TOP6BL: variants seen among roughly 807,000 people sequenced by gnomAD.
TOP6BL encodes the protein TOP6B like initiator of meiotic double strand breaks, also known as type 2 DNA topoisomerase 6 subunit B-like.
the TOP6BL span, among the ~76,000 whole-genome samples, chr11:66,822,278 T>C: frequency 4.1e-4 from 62 of 152,186 alleles, no homozygotes; most frequent in East Asian, 3.5e-3. Flanking sequence ...TTTTTTTTTT[T>C]CCCAAATAGT....
the TOP6BL span, among the ~76,000 whole-genome samples, chr11:66,785,753 G>C: frequency 2.0e-5 from 3 of 152,280 alleles, no homozygotes; most frequent in East Asian, 5.8e-4. Flanking sequence ...CAACATTCAG[G>C]TAGACAGGCA....
the TOP6BL span, among the ~76,000 whole-genome samples, chr11:66,834,581 C>T: frequency 2.0e-5 from 3 of 152,042 alleles, no homozygotes. Flanking sequence ...CTATTATATG[C>T]TTTATTGAGA....
At chr11:66,838,400 G>A in the TOP6BL span, 1 of 1,613,908 alleles carries the variant, frequency 6.2e-7, no homozygotes, top group Non-Finnish European at 8.5e-7. Context: ...CTCAGCCCAG[G>A]GCACTGAGGA....
chr11:66,762,711 C>T, the TOP6BL span, among the ~76,000 whole-genome samples: 4 of 152,292 alleles, frequency 2.6e-5, no homozygotes, highest in South Asian at 2.1e-4. Context: ...TCTCGTGATC[C>T]GCCTGCCTCG....
the TOP6BL span, among the ~76,000 whole-genome samples, chr11:66,752,639 G>C: frequency 1.4e-4 from 22 of 152,062 alleles, no homozygotes; most frequent in African/African-American, 5.1e-4. Flanking sequence ...TTTTCATAGA[G>C]ATAGGGTTTC....
chr11:66,783,022 C>T, the TOP6BL span, among the ~76,000 whole-genome samples: 3 of 152,140 alleles, frequency 2.0e-5, no homozygotes, highest in Non-Finnish European at 2.9e-5. Flanking sequence ...TTAAGTCTCT[C>T]ATTTTGTAAT....
chr11:66,836,699 G>A, the TOP6BL span, among the ~76,000 whole-genome samples: 2,768 of 54,512 alleles, frequency 0.051, 113 homozygotes, highest in African/African-American at 0.16. Context: ...CAGAAAATAT[G>A]ATTTTTTTTT....
chr11:66,762,503 T>C, the TOP6BL span: 3 of 246,218 alleles, frequency 1.2e-5, no homozygotes, highest in Non-Finnish European at 2.3e-5. Context: ...GGAGTCTCGC[T>C]CTGTCGCCCA....
At chr11:66,789,522 A>G in the TOP6BL span, among the ~76,000 whole-genome samples, 1 of 152,194 alleles carries the variant, frequency 6.6e-6, no homozygotes, top group Non-Finnish European at 1.5e-5. Flanking sequence ...GCTGTGCCTT[A>G]TCTTCTTTAG....
the TOP6BL span, chr11:66,842,729 C>T: frequency 3.9e-6 from 4 of 1,033,666 alleles, no homozygotes; most frequent in Non-Finnish European, 5.6e-6. Flanking sequence ...ATGGGACCTG[C>T]TGACAGGGAT....
the TOP6BL span, among the ~76,000 whole-genome samples, chr11:66,782,268 G>T: frequency 6.6e-6 from 1 of 152,170 alleles, no homozygotes; most frequent in South Asian, 2.1e-4. Flanking sequence ...CCCATTTCTA[G>T]CTAGGCCTGA....
chr11:66,834,250 G>C, the TOP6BL span, among the ~76,000 whole-genome samples: 1 of 152,132 alleles, frequency 6.6e-6, no homozygotes, highest in Admixed American at 6.5e-5. Context: ...AAATAGCAAG[G>C]CTAGAATTTG....
At chr11:66,813,205 T>G in the TOP6BL span, among the ~76,000 whole-genome samples, 1 of 152,190 alleles carries the variant, frequency 6.6e-6, no homozygotes, top group Non-Finnish European at 1.5e-5. Flanking sequence ...ATGATAAACT[T>G]GAGGACAGGT....
chr11:66,838,085 C>A, the TOP6BL span, among the ~76,000 whole-genome samples: 1 of 152,158 alleles, frequency 6.6e-6, no homozygotes, highest in Non-Finnish European at 1.5e-5. Context: ...AGGATACTTG[C>A]AGAGTATGCA....
chr11:66,793,265 A>AT, the TOP6BL span, among the ~76,000 whole-genome samples: 12 of 147,120 alleles, frequency 8.2e-5, no homozygotes, highest in African/African-American at 2.8e-4. Context: ...TTTTTTTTGT[A>AT]TTTTTTCAGT....
At chr11:66,755,090 C>T in the TOP6BL span, among the ~76,000 whole-genome samples, 11 of 151,738 alleles carry the variant, frequency 7.2e-5, no homozygotes, top group East Asian at 1.7e-3. Context: ...TAAATCCTTT[C>T]CTACTAGTCG....
At chr11:66,829,724 C>A in the TOP6BL span, among the ~76,000 whole-genome samples, 1 of 151,406 alleles carries the variant, frequency 6.6e-6, no homozygotes, top group Non-Finnish European at 1.5e-5. Context: ...CCCATCTCTA[C>A]AAAAAAATAG....
At chr11:66,840,685 T>G in the TOP6BL span, among the ~76,000 whole-genome samples, 1 of 152,212 alleles carries the variant, frequency 6.6e-6, no homozygotes, top group Admixed American at 6.5e-5. Flanking sequence ...CCTCTGAAAC[T>G]TCTCTCCTCA....
chr11:66,802,240 C>T, the TOP6BL span, among the ~76,000 whole-genome samples: 1 of 151,980 alleles, frequency 6.6e-6, no homozygotes, highest in Non-Finnish European at 1.5e-5. Flanking sequence ...GCAACCTCCA[C>T]CTCCCTGGTT....
Sources: allele counts gnomAD v4.1 joint callset (sites outside exome capture counted in the v4.1 genomes callset), GRCh38; gene constraint gnomAD v4.1.1; transcripts MANE v1.5; gene names NCBI Gene and HGNC (gene_info 2026-07-23, HGNC 2026-07-21).